The following TMEM108 variants were observed in gnomAD, a reference collection of about 807,000 sequenced individuals.
The protein encoded by TMEM108 is transmembrane protein 108.
Under a neutral mutation model 35.1 loss-of-function variants are expected in TMEM108, and 12 were observed. The observed-to-expected ratio is 0.34, with a 90% CI of 0.22 to 0.55. The LOEUF (loss-of-function observed/expected upper bound fraction) is 0.55, where lower values mean the gene tolerates loss of function less well. Among genes scored for constraint, TMEM108 ranks in the 20% least tolerant of loss-of-function variants. The pLI is 0.89. For synonymous variants in TMEM108, 287 were observed against 308.6 expected (o/e 0.93, Z 0.73); for missense variants, 680 against 753.3 (o/e 0.90, Z 1.14).
chr3:133,349,003 T>C (rs1004206734), intron 3 of TMEM108, among the ~76,000 whole-genome samples: 1 of 152,104 alleles, frequency 6.6e-6, no homozygotes, highest in East Asian at 1.9e-4. Context: ...TGTTACCAAG[T>C]TTCTAGCCTT....
chr3:133,264,196 G>T (rs1226528013), intron 3 of TMEM108, among the ~76,000 whole-genome samples: 1 of 151,990 alleles, frequency 6.6e-6, no homozygotes, highest in Non-Finnish European at 1.5e-5. Context: ...GCTGAGTGTG[G>T]TGGCACATAC....
chr3:133,046,410 T>A (rs1943341175), intron 2 of TMEM108, among the ~76,000 whole-genome samples: 1 of 152,242 alleles, frequency 6.6e-6, no homozygotes, highest in Non-Finnish European at 1.5e-5. Context: ...CCTACCACCT[T>A]CTTTCTTCTT....
At position 133,269,779 on chromosome 3, in the gene TMEM108, G is replaced by A. The variant is rs1946746191; in HGVS notation, c.40+40428G>A. Among the ~76,000 whole-genome samples, 3 of 152,172 alleles carry A rather than the reference G, an allele frequency of 2.0e-5. No homozygotes were observed. In the South Asian group the frequency reaches 6.2e-4, roughly 32 times the overall value. ...ACTGCCAGTAATTACAGAGCCTTAGGGAGAAGAGCTCAAAGCTGCTTGTCA... is the reference window on the plus strand; with the variant it reads ...ACTGCCAGTAATTACAGAGCCTTAGAGAGAAGAGCTCAAAGCTGCTTGTCA... On this transcript the variant is annotated intron_variant, in intron 3 of 5. Transcript: ENST00000321871.
chr3:133,127,878 T>G (rs1261237690), intron 2 of TMEM108, among the ~76,000 whole-genome samples: 1 of 152,230 alleles, frequency 6.6e-6, no homozygotes, highest in Non-Finnish European at 1.5e-5. Flanking sequence ...AAACATTTCC[T>G]TTGCCCCTTG....
intron 2 of TMEM108, among the ~76,000 whole-genome samples, chr3:133,084,633 T>G (rs1274956419): frequency 2.0e-5 from 3 of 152,192 alleles, no homozygotes; most frequent in African/African-American, 7.2e-5. Flanking sequence ...TAGCTAATAT[T>G]TGACGTGTTT....
chr3:133,231,654 G>A (rs937943265), intron 3 of TMEM108, among the ~76,000 whole-genome samples: 1 of 152,164 alleles, frequency 6.6e-6, no homozygotes, highest in Non-Finnish European at 1.5e-5. Context: ...TAACTCAGGG[G>A]AAGAGGAATT....
chr3:133,316,991 T>C (rs150770190), intron 3 of TMEM108, among the ~76,000 whole-genome samples: 155 of 152,338 alleles, frequency 1.0e-3, no homozygotes, highest in African/African-American at 3.7e-3. Context: ...GCAACCTCTT[T>C]TAGCATAAAA....
At chr3:133,395,428 C>G (rs2073291395) in intron 5 of TMEM108, among the ~76,000 whole-genome samples, 1 of 152,128 alleles carries the variant, frequency 6.6e-6, no homozygotes, top group Non-Finnish European at 1.5e-5. Flanking sequence ...AGAGAAGTTT[C>G]CCAGAAGTCT....
At chr3:133,273,162 A>C (rs917017405) in intron 3 of TMEM108, among the ~76,000 whole-genome samples, 1 of 152,236 alleles carries the variant, frequency 6.6e-6, no homozygotes, top group Non-Finnish European at 1.5e-5. Context: ...TAGTGGGTTA[A>C]TGAGCCCCTT....
At chr3:133,195,045 C>T (rs1237636768) in intron 2 of TMEM108, among the ~76,000 whole-genome samples, 1 of 152,140 alleles carries the variant, frequency 6.6e-6, no homozygotes, top group Admixed American at 6.5e-5. Flanking sequence ...TAAAATATTT[C>T]TTATAAACAA....
At chr3:133,324,693 A>G (rs1444156583) in intron 3 of TMEM108, among the ~76,000 whole-genome samples, 2 of 152,216 alleles carry the variant, frequency 1.3e-5, no homozygotes, top group Non-Finnish European at 2.9e-5. Flanking sequence ...ATAAGAAGTC[A>G]GTGGCTGAAC....
intron 3 of TMEM108, among the ~76,000 whole-genome samples, chr3:133,275,902 A>T (rs540509428): frequency 6.6e-6 from 1 of 152,328 alleles, no homozygotes; most frequent in South Asian, 2.1e-4. Context: ...GTTCAGTATT[A>T]GGTTCAGTAT....
At chr3:133,190,444 G>A (rs1945482661) in intron 2 of TMEM108, among the ~76,000 whole-genome samples, 1 of 152,152 alleles carries the variant, frequency 6.6e-6, no homozygotes, top group Non-Finnish European at 1.5e-5. Context: ...CCTGGATATT[G>A]CCAGGCCCCC....
intron 3 of TMEM108, among the ~76,000 whole-genome samples, chr3:133,229,646 A>T (rs969854940): frequency 6.6e-6 from 1 of 152,216 alleles, no homozygotes; most frequent in Non-Finnish European, 1.5e-5. Flanking sequence ...TTCTAAATTG[A>T]TGTATTAAGC....
intron 3 of TMEM108, among the ~76,000 whole-genome samples, chr3:133,316,250 C>T (rs902362263): frequency 3.9e-5 from 6 of 152,160 alleles, no homozygotes; most frequent in Non-Finnish European, 7.3e-5. Context: ...TTGAGTGATT[C>T]CCTTTAAGTG....
intron 2 of TMEM108, among the ~76,000 whole-genome samples, chr3:133,168,753 C>T (rs576252071): frequency 9.5e-4 from 144 of 152,278 alleles, no homozygotes; most frequent in African/African-American, 2.8e-3. Flanking sequence ...TTTGTTCTTT[C>T]GCTCTTTGCA....
chr3:133,380,452 A>G lies in TMEM108; in HGVS notation c.741A>G (p.Ser247=), dbSNP rs143399570. The G allele has an allele frequency of 1.8e-3, 2,831 of 1,613,744 alleles. 31 individuals are homozygous for G. In the African/African-American group the frequency reaches 0.023, roughly 13 times the overall value. ...CCCCACTCTGGGGCTACTCCTCTTC[A>G]CCACAGCCCCAGACAGTGGCTGCGA... The part of the protein sequence containing the change: ...PRTPLWGYSS[S]PQPQTVAATT... Residue 247 remains serine (S), a synonymous_variant, in exon 4 of 6, where the codon TCA becomes TCG. Coordinates refer to ENST00000321871, the MANE Select transcript of TMEM108 (RefSeq NM_023943.4). The surrounding 1 kb of genome is among the most constrained non-coding windows in gnomAD (Gnocchi z 5.3).
intron 2 of TMEM108, among the ~76,000 whole-genome samples, chr3:133,206,554 G>GAAA (rs1945757412): frequency 2.0e-5 from 3 of 152,118 alleles, no homozygotes; most frequent in Admixed American, 2.0e-4. Context: ...TAAGAGTCAG[G>GAAA]CCCCTCTGCT....
chr3:133,196,800 A>G (rs755147508), intron 2 of TMEM108, among the ~76,000 whole-genome samples: 1 of 152,184 alleles, frequency 6.6e-6, no homozygotes, highest in South Asian at 2.1e-4. Flanking sequence ...TGATTGTAGG[A>G]TGGCAAGTTT....
Sources: gnomAD v4.1 joint callset for allele counts (sites outside exome capture counted in the v4.1 genomes callset) on GRCh38, gnomAD v4.1.1 for gene constraint, Gnocchi (gnomAD v3.1) non-coding constraint, MANE v1.5 for transcripts, NCBI Gene and HGNC (gene_info 2026-07-23, HGNC 2026-07-21) for gene names.